The following DCLK1 variants were observed in gnomAD, a reference collection of about 807,000 sequenced individuals.
The protein encoded by DCLK1 is doublecortin like kinase 1, also known as serine/threonine-protein kinase DCLK1.
Under a neutral mutation model 86.2 loss-of-function variants are expected in DCLK1, and 16 were observed. The observed-to-expected ratio is 0.19, with a 90% confidence interval of 0.13 to 0.28. DCLK1 has a LOEUF of 0.28. Among genes scored for constraint, DCLK1 ranks in the 10% least tolerant of loss-of-function variants. DCLK1 has a pLI of 1.00. For synonymous variants in DCLK1, 369 were observed against 370.5 expected (o/e 1.00, Z 0.05); for missense variants, 590 against 940.2 (o/e 0.63, Z 4.87).
At chr13:36,085,391 G>A (rs772947022) in intron 3 of DCLK1, among the ~76,000 whole-genome samples, 44 of 152,038 alleles carry the variant, frequency 2.9e-4, no homozygotes, top group Non-Finnish European at 5.6e-4. Context: ...TCCAAAGGTT[G>A]GGTTTTTTTA....
At chr13:35,855,413 C>T (rs969703171) in intron 5 of DCLK1, 40 of 1,230,474 alleles carry the variant, frequency 3.3e-5, no homozygotes, top group Non-Finnish European at 4.2e-5. Flanking sequence ...TACAGCCCCA[C>T]AGTCAGTGAA....
intron 8 of DCLK1, among the ~76,000 whole-genome samples, chr13:35,833,502 C>G (rs1002326340): frequency 6.6e-6 from 1 of 152,048 alleles, no homozygotes; most frequent in Non-Finnish European, 1.5e-5. Flanking sequence ...CCCAGGTACC[C>G]CAGAGGCCAC....
chr13:36,036,636 G>A (rs1354913094), intron 3 of DCLK1, among the ~76,000 whole-genome samples: 1 of 151,656 alleles, frequency 6.6e-6, no homozygotes. Flanking sequence ...ATCATATACG[G>A]TATATATGAT....
intron 4 of DCLK1, among the ~76,000 whole-genome samples, chr13:35,933,641 C>A (rs935749195): frequency 6.6e-6 from 1 of 152,184 alleles, no homozygotes; most frequent in Non-Finnish European, 1.5e-5. Context: ...TACATTACCC[C>A]TTTTAGCCAT....
intron 4 of DCLK1, among the ~76,000 whole-genome samples, chr13:35,891,155 G>C (rs1405055054): frequency 1.3e-5 from 2 of 151,950 alleles, no homozygotes; most frequent in African/African-American, 4.8e-5. Context: ...CATTAGGTAG[G>C]TGGCATTATG....
intron 3 of DCLK1, among the ~76,000 whole-genome samples, chr13:36,015,004 TTCTC>T (rs60179491): frequency 0.95 from 137,273 of 144,274 alleles, 65,436 homozygotes; most frequent in South Asian, 0.99. Flanking sequence ...CTCTCTCTCT[TTCTC>T]TCTCTCTCTC....
At chr13:36,092,490 T>A (rs1054010406) in intron 3 of DCLK1, among the ~76,000 whole-genome samples, 1 of 141,842 alleles carries the variant, frequency 7.1e-6, no homozygotes, top group East Asian at 2.0e-4. Flanking sequence ...TTTCTTTTTT[T>A]TTTTTTTTTT....
At chr13:35,795,655 T>G (rs1263302997) in intron 15 of DCLK1, among the ~76,000 whole-genome samples, 1 of 152,076 alleles carries the variant, frequency 6.6e-6, no homozygotes, top group Non-Finnish European at 1.5e-5. Flanking sequence ...ATGCGGTGGC[T>G]CACATCTGTA....
intron 2 of DCLK1, among the ~76,000 whole-genome samples, chr13:36,124,513 G>A (rs553409568): frequency 5.3e-5 from 8 of 152,326 alleles, no homozygotes; most frequent in African/African-American, 1.9e-4. Context: ...AAGCAAAAAG[G>A]GAGAAGTCCC....
chr13:35,825,383 A>G (rs1324042090), intron 10 of DCLK1, among the ~76,000 whole-genome samples: 2 of 152,160 alleles, frequency 1.3e-5, no homozygotes, highest in East Asian at 1.9e-4. Context: ...TGGGCTACAG[A>G]GACCTTCTAT....
intron 3 of DCLK1, among the ~76,000 whole-genome samples, chr13:36,104,282 A>G (rs1017273748): frequency 2.0e-5 from 3 of 152,230 alleles, no homozygotes; most frequent in African/African-American, 7.2e-5. Flanking sequence ...AAACTGGTCA[A>G]TCATCCAGCT....
chr13:36,008,214 TA>T (rs1366955117), intron 3 of DCLK1, among the ~76,000 whole-genome samples: 140 of 11,484 alleles, frequency 0.012, no homozygotes, highest in Admixed American at 0.037. Context: ...TTATTATTAT[TA>T]TTATTATTAT....
intron 3 of DCLK1, among the ~76,000 whole-genome samples, chr13:36,003,107 A>G (rs1880791773): frequency 6.6e-6 from 1 of 152,258 alleles, no homozygotes; most frequent in African/African-American, 2.4e-5. Context: ...AGCCAGTTGC[A>G]TAAACTATTG....
chr13:36,065,075 A>G (rs781055898), intron 3 of DCLK1, among the ~76,000 whole-genome samples: 1 of 152,226 alleles, frequency 6.6e-6, no homozygotes, highest in Non-Finnish European at 1.5e-5. Context: ...TATGCAGTCT[A>G]TGGAAAGCAT....
chr13:35,843,265 G>T (rs530308338), intron 6 of DCLK1, among the ~76,000 whole-genome samples: 1 of 152,300 alleles, frequency 6.6e-6, no homozygotes, highest in South Asian at 2.1e-4. Flanking sequence ...AGGGCAATTA[G>T]CTGCTCTGAG....
intron 6 of DCLK1, among the ~76,000 whole-genome samples, chr13:35,844,036 C>A (rs770636692): frequency 1.3e-5 from 2 of 152,078 alleles, no homozygotes; most frequent in African/African-American, 4.8e-5. Flanking sequence ...GGGTATAGAA[C>A]AATAAGTTGA....
intron 3 of DCLK1, among the ~76,000 whole-genome samples, chr13:36,101,824 A>ACCT (rs1885227794): frequency 6.6e-6 from 1 of 151,832 alleles, no homozygotes; most frequent in Admixed American, 6.6e-5. Context: ...CCTCACTGCA[A>ACCT]CCTCCGCCTT....
At chr13:35,813,877 C>T (rs2087206872) in intron 11 of DCLK1, among the ~76,000 whole-genome samples, 1 of 146,224 alleles carries the variant, frequency 6.8e-6, no homozygotes, top group Non-Finnish European at 1.5e-5. Flanking sequence ...GACACAAGTA[C>T]ATTTGAAATG....
intron 2 of DCLK1, among the ~76,000 whole-genome samples, chr13:36,118,738 T>G (rs1885879538): frequency 6.6e-6 from 1 of 152,154 alleles, no homozygotes; most frequent in Admixed American, 6.5e-5. Context: ...TCTTAGTCCT[T>G]TGGCTGCTAT....
Sources: gnomAD v4.1 joint callset for allele counts (sites outside exome capture counted in the v4.1 genomes callset) on GRCh38, gnomAD v4.1.1 for gene constraint, MANE v1.5 for transcripts, NCBI Gene and HGNC (gene_info 2026-07-23, HGNC 2026-07-21) for gene names.